The following RIPOR2 variants were observed in gnomAD, a reference collection of about 807,000 sequenced individuals.
The protein encoded by RIPOR2 is rho family-interacting cell polarization regulator 2.
A neutral mutation model predicts 114.5 loss-of-function variants in RIPOR2; 39 were observed. The ratio of observed to expected loss-of-function variants is 0.34; its 90% CI spans 0.26 to 0.44. The LOEUF (loss-of-function observed/expected upper bound fraction) is 0.44, where lower values mean the gene tolerates loss of function less well. Ranked by LOEUF, RIPOR2 falls within the 20% of genes least tolerant of loss-of-function variation. The pLI is 1.00. For missense variants in RIPOR2, 1,007 were observed against 1,255.1 expected (o/e 0.80, Z 2.99); for synonymous variants, 445 against 484.4 (o/e 0.92, Z 1.07).
intron 17 of RIPOR2, 84 bp downstream of exon 17, chr6:24,830,425 G>C: frequency 8.7e-7 from 1 of 1,144,176 alleles, no homozygotes; most frequent in Non-Finnish European, 1.3e-6. Flanking sequence ...CAAGTGGTAG[G>C]AGGACCCCTC....
intron 1 of RIPOR2, among the ~76,000 whole-genome samples, chr6:24,956,671 T>C (rs932237920): frequency 1.6e-4 from 17 of 104,378 alleles, no homozygotes; most frequent in South Asian, 8.4e-4. Flanking sequence ...AGGTGGGCTA[T>C]GGACCTAGGC....
chr6:24,876,929 CAGG>C (rs1765832647), intron 1 of RIPOR2: 2 of 975,292 alleles, frequency 2.1e-6, no homozygotes, highest in Non-Finnish European at 2.4e-6. Context: ...CCTTTTAGAT[CAGG>C]AGGAGTCAAA....
chr6:24,848,259 A>G, intron 11 of RIPOR2, 105 bp from the exon 12 acceptor site: 2 of 1,204,824 alleles, frequency 1.7e-6, no homozygotes, highest in Non-Finnish European at 2.3e-6. Flanking sequence ...AAACTCAACC[A>G]GAGGTTCAGA....
At chr6:24,963,746 A>ATGTG (rs150597947) in intron 1 of RIPOR2, among the ~76,000 whole-genome samples, 16 of 150,600 alleles carry the variant, frequency 1.1e-4, no homozygotes, top group Middle Eastern at 3.4e-3. Context: ...ATGCATGTGA[A>ATGTG]TGTGTGTGTG....
At chr6:24,988,398 T>C (rs1202700997) in intron 1 of RIPOR2, among the ~76,000 whole-genome samples, 1 of 152,196 alleles carries the variant, frequency 6.6e-6, no homozygotes, top group Non-Finnish European at 1.5e-5. Context: ...GGTCTCAAAC[T>C]GCTGACCCCA....
intron 20 of RIPOR2, among the ~76,000 whole-genome samples, chr6:24,811,390 T>A (rs112952151): frequency 6.8e-6 from 1 of 146,274 alleles, no homozygotes; most frequent in Non-Finnish European, 1.5e-5. Flanking sequence ...TGTGCCACCA[T>A]GCCTGGCTAA....
chr6:24,958,335 T>A (rs1773140203), intron 1 of RIPOR2, among the ~76,000 whole-genome samples: 2 of 152,182 alleles, frequency 1.3e-5, no homozygotes, highest in Non-Finnish European at 2.9e-5. Flanking sequence ...CAAAATTAAT[T>A]TAACACAATA....
chr6:24,843,659 C>T, intron 12 of RIPOR2, 105 bp from the exon 13 acceptor site: 2 of 780,362 alleles, frequency 2.6e-6, no homozygotes, highest in Admixed American at 3.3e-5. Context: ...ATGAAAAAAC[C>T]CAGAACTTTC....
intron 1 of RIPOR2, chr6:25,031,422 TGTG>T (rs1207454306): frequency 2.0e-5 from 3 of 152,034 alleles, no homozygotes; most frequent in South Asian, 2.1e-4. Flanking sequence ...TCTTCATTGT[TGTG>T]GTGGTTACAC....
At chr6:25,019,306 A>G (rs150594536) in intron 1 of RIPOR2, among the ~76,000 whole-genome samples, 2 of 152,340 alleles carry the variant, frequency 1.3e-5, no homozygotes, top group African/African-American at 4.8e-5. Context: ...CTCAGGAGAA[A>G]TTATTACCAC....
At chr6:24,972,214 G>A (rs1015978830) in intron 1 of RIPOR2, among the ~76,000 whole-genome samples, 2 of 152,166 alleles carry the variant, frequency 1.3e-5, no homozygotes, top group Non-Finnish European at 2.9e-5. Flanking sequence ...ATATAGATAT[G>A]GAATTTGTTA....
At chr6:24,881,550 A>G (rs1029775744) in intron 1 of RIPOR2, among the ~76,000 whole-genome samples, 2 of 152,258 alleles carry the variant, frequency 1.3e-5, no homozygotes. Flanking sequence ...CTCTAGGCAC[A>G]GAACCCTGAA....
At chr6:24,909,347 C>T (rs371764038) in intron 1 of RIPOR2, among the ~76,000 whole-genome samples, 2 of 152,028 alleles carry the variant, frequency 1.3e-5, no homozygotes, top group East Asian at 1.9e-4. Context: ...TGCTGGTTCT[C>T]GGAGAGTTCG....
chr6:24,990,353 A>C lies in RIPOR2; in HGVS notation c.76+51498T>G, dbSNP rs540732799. On this transcript the variant is annotated intron_variant, in intron 1 of 13. Coordinates refer to the RIPOR2 transcript ENST00000510784. ...TGCTTCTAATGATGTAGAAAAGATA[A>C]ATCAGCAAATAAGAAGTCAATACCA... is the stretch of plus-strand genomic sequence containing the variant. Among the ~76,000 whole-genome samples, 27 of 152,396 alleles carry C rather than the reference A, an allele frequency of 1.8e-4. 1 individual carries two copies. The South Asian group carries it at 4.3e-3, about 25-fold the overall frequency.
At chr6:24,939,607 C>T (rs1772009690), upstream of RIPOR2, among the ~76,000 whole-genome samples, 1 of 152,084 alleles carries the variant, frequency 6.6e-6, no homozygotes, top group Admixed American at 6.6e-5. Flanking sequence ...TGATCCCCTT[C>T]GAATCCATAT....
At chr6:24,891,150 G>A (rs188012924) in intron 1 of RIPOR2, among the ~76,000 whole-genome samples, 3 of 151,774 alleles carry the variant, frequency 2.0e-5, no homozygotes, top group African/African-American at 4.9e-5. Context: ...TGCTGTGTAC[G>A]TGTGTGCCGT....
chr6:24,961,964 T>C (rs913944591), intron 1 of RIPOR2, among the ~76,000 whole-genome samples: 1 of 152,150 alleles, frequency 6.6e-6, no homozygotes, highest in African/African-American at 2.4e-5. Context: ...CTGAGGCAGG[T>C]ACTTTTATTA....
At position 25,003,392 on chromosome 6, in the gene RIPOR2, T is replaced by TTAC. The variant is rs1470768916; in HGVS notation, c.76+38458_76+38459insGTA. 1.2e-3 allele frequency among the ~76,000 whole-genome samples: 160 copies of TTAC among 136,752 alleles called. 2 individuals carry two copies. Among genetic ancestry groups the TTAC allele is most frequent in the African/African-American group, 4.3e-3 (150 of 35,070 alleles). The allele number at this position is 136,752 out of a possible 152,430, so 89.7% of individuals were successfully genotyped here. On this transcript the variant is annotated intron_variant, in intron 1 of 13. Transcript: ENST00000510784. ...GTTTTTCAGAATTAACACATTATTA[T>TTAC]TATTATTATTATTATTATTATTATT...
At chr6:24,913,697 G>C (rs1769846884) in intron 1 of RIPOR2, among the ~76,000 whole-genome samples, 2 of 152,300 alleles carry the variant, frequency 1.3e-5, no homozygotes, top group South Asian at 4.2e-4. Flanking sequence ...GGTCACCAAA[G>C]TCTTCATTCT....
Sources: gnomAD v4.1 joint callset for allele counts (sites outside exome capture counted in the v4.1 genomes callset) on GRCh38, gnomAD v4.1.1 for gene constraint, MANE v1.5 for transcripts, NCBI Gene and HGNC (gene_info 2026-07-23, HGNC 2026-07-21) for gene names.